PTPRA: variants seen among roughly 807,000 people sequenced by gnomAD.
PTPRA encodes the protein receptor-type tyrosine-protein phosphatase alpha.
A neutral mutation model predicts 104.8 loss-of-function variants in PTPRA; 25 were observed. That is an observed-to-expected ratio of 0.24 (90% CI 0.17 to 0.33). The LOEUF is 0.33. PTPRA is among the 10% of genes least tolerant of loss of function. The pLI is 1.00. For synonymous variants in PTPRA, 323 were observed against 368.9 expected, an observed-to-expected ratio of 0.88 and a Z score of 1.43; for missense variants, 765 against 1,015.3, an observed-to-expected ratio of 0.75 and a Z score of 3.35.
At chr20:2,940,940 A>T (rs2060889405) in intron 2 of PTPRA, among the ~76,000 whole-genome samples, 1 of 152,006 alleles carries the variant, frequency 6.6e-6, no homozygotes, top group Admixed American at 6.6e-5. Flanking sequence ...TTCTTGGGTG[A>T]AAGTTTCTTT....
rs553441547 is a variant in PTPRA at position 3,025,082 on chromosome 20, G to A, written c.1614+461G>A. On this transcript the variant is annotated intron_variant, in intron 17 of 23. Transcript: ENST00000399903. Reference sequence around the variant, plus strand: ...GGCCAGATTTGGCCTCTGGACCTTAGATCACTGATAGCTCCTATATGCCAC... The same window carrying A: ...GGCCAGATTTGGCCTCTGGACCTTAAATCACTGATAGCTCCTATATGCCAC... Among the ~76,000 whole-genome samples, 3 of 152,296 alleles carry A rather than the reference G, an allele frequency of 2.0e-5. No homozygotes were observed. The South Asian group carries it at 6.2e-4, about 32-fold the overall frequency.
chr20:2,865,185 G>C, the PTPRA span: 3 of 1,614,158 alleles, frequency 1.9e-6, no homozygotes, highest in African/African-American at 4.0e-5. The surrounding 1 kb of genome is among the most constrained non-coding windows in gnomAD (Gnocchi z 5.2). Flanking sequence ...CGGCTGCAGC[G>C]GCGCCTAGAA....
chr20:2,943,182 A>C (rs1272604179), intron 2 of PTPRA, among the ~76,000 whole-genome samples: 2 of 149,694 alleles, frequency 1.3e-5, no homozygotes, highest in Non-Finnish European at 2.9e-5. Context: ...GGTTTCAGGC[A>C]TCTACTGGGA....
chr20:2,987,945 G>A (rs369205226), intron 7 of PTPRA, 87 bp from the exon 8 acceptor site: 1 of 1,242,582 alleles, frequency 8.0e-7, no homozygotes, highest in Non-Finnish European at 1.2e-6. Context: ...ATTTAGAAAG[G>A]CTGAATTGAT....
In PTPRA at chr20:3,037,534, C is replaced by A. The variant is rs1333635039; in HGVS notation, c.2334+245C>A. On this transcript the variant is annotated intron_variant, in intron 23 of 23. Transcript: ENST00000399903. This position sits in a 1 kb window ranked among gnomAD's most constrained non-coding sequence, Gnocchi z 4.3. ...AGGGGTGTCTGGGTGCCCCACAGGG[C>A]TCATCTGTACTTCTCTGTGGGTCTT... Among the ~76,000 whole-genome samples, 3 of 152,196 alleles carry A rather than the reference C, an allele frequency of 2.0e-5. No individual in the cohort carries two copies. Among genetic ancestry groups the A allele is most frequent in the Admixed American group, 2.0e-4 (3 of 15,278 alleles).
At chr20:3,030,213 T>G (rs2065365430) in intron 20 of PTPRA, among the ~76,000 whole-genome samples, 1 of 152,054 alleles carries the variant, frequency 6.6e-6, no homozygotes, top group Non-Finnish European at 1.5e-5. Context: ...AAGGACCTAG[T>G]GAGAGTAAAG....
chr20:2,969,234 A>G (rs1324757727), intron 5 of PTPRA, among the ~76,000 whole-genome samples: 1 of 134,138 alleles, frequency 7.5e-6, no homozygotes, highest in Non-Finnish European at 1.5e-5. Context: ...ATCAGTGACA[A>G]GTAAAAAGGT....
intron 20 of PTPRA, among the ~76,000 whole-genome samples, chr20:3,029,436 C>T (rs73086697): frequency 0.012 from 1,807 of 151,612 alleles, 20 homozygotes; most frequent in Middle Eastern, 0.055. Context: ...CCACCTTGCC[C>T]GGCATTTTTT....
chr20:2,977,467 G>A (rs1371175376), intron 6 of PTPRA, among the ~76,000 whole-genome samples: 1 of 151,842 alleles, frequency 6.6e-6, no homozygotes, highest in Non-Finnish European at 1.5e-5. Context: ...GCAATATGGG[G>A]AAACCTTGTC....
At chr20:3,029,538 A>ATTTTTTTTTTTT (rs1390310900) in intron 20 of PTPRA, among the ~76,000 whole-genome samples, 6 of 35,634 alleles carry the variant, frequency 1.7e-4, no homozygotes, top group Admixed American at 4.9e-4. Context: ...GGTCTTCATC[A>ATTTTTTTTTTTT]TCTTTTTTTT....
At position 3,037,791 on chromosome 20, in the gene PTPRA, T is replaced by G. The variant is rs1385256111; in HGVS notation, c.2335-268T>G. On this transcript the variant is annotated intron_variant, in intron 23 of 23. Transcript: ENST00000399903. The surrounding 1 kb of genome is among the most constrained non-coding windows in gnomAD (Gnocchi z 4.3). ...AAGCGTGGGCCATGCTCAGCTGCAC[T>G]GTCTCCCAGCCCAGCACATGCCTGT... Among the ~76,000 whole-genome samples, 1 of 152,148 alleles carries G rather than the reference T, an allele frequency of 6.6e-6. No individual in the cohort carries two copies. The highest frequency in any genetic ancestry group is 1.5e-5 in the Non-Finnish European group (1 of 68,040).
intron 1 of PTPRA, among the ~76,000 whole-genome samples, chr20:2,916,738 A>G (rs573155258): frequency 1.3e-5 from 2 of 152,210 alleles, no homozygotes; most frequent in East Asian, 3.9e-4. Flanking sequence ...AGTTGACTAT[A>G]GATTTGTGGA....
intron 11 of PTPRA, among the ~76,000 whole-genome samples, chr20:3,010,496 C>CA (rs2064113027): frequency 6.6e-6 from 1 of 152,024 alleles, no homozygotes; most frequent in African/African-American, 2.4e-5. Context: ...GGCGTGGTGG[C>CA]GGGCACCTGT....
chr20:2,933,623 G>T (rs1021517992), intron 2 of PTPRA, among the ~76,000 whole-genome samples: 1 of 151,958 alleles, frequency 6.6e-6, no homozygotes, highest in Non-Finnish European at 1.5e-5. Context: ...ACCACGCCCA[G>T]CTAATTTTTA....
At chr20:2,881,642 A>G (rs2090057112) in intron 1 of PTPRA, among the ~76,000 whole-genome samples, 2 of 152,094 alleles carry the variant, frequency 1.3e-5, no homozygotes, top group Admixed American at 6.5e-5. Context: ...TGGCCTTCCA[A>G]AGCTCTGGGA....
At chr20:2,876,642 C>T (rs2089737024) in intron 1 of PTPRA, among the ~76,000 whole-genome samples, 1 of 152,162 alleles carries the variant, frequency 6.6e-6, no homozygotes, top group Non-Finnish European at 1.5e-5. Flanking sequence ...TGTCCTTGTA[C>T]ATACTGTGTT....
intron 1 of PTPRA, among the ~76,000 whole-genome samples, chr20:2,880,557 G>A (rs2089989359): frequency 6.6e-6 from 1 of 152,254 alleles, no homozygotes; most frequent in Non-Finnish European, 1.5e-5. Context: ...ACAAGCACAA[G>A]CAAACAAGTT....
chr20:2,936,113 C>A (rs1039915417), intron 2 of PTPRA, among the ~76,000 whole-genome samples: 1 of 151,992 alleles, frequency 6.6e-6, no homozygotes, highest in African/African-American at 2.4e-5. Flanking sequence ...CCTGTCTTGG[C>A]CTCCCAAAGT....
chr20:3,023,999 G>A (rs912878988), intron 16 of PTPRA, among the ~76,000 whole-genome samples: 8 of 152,168 alleles, frequency 5.3e-5, no homozygotes, highest in African/African-American at 1.7e-4. Context: ...ACAGGTTACT[G>A]GACTTCAAAG....
Sources: allele counts gnomAD v4.1 joint callset (sites outside exome capture counted in the v4.1 genomes callset), GRCh38; gene constraint gnomAD v4.1.1; non-coding constraint Gnocchi (gnomAD v3.1); transcripts MANE v1.5; gene names NCBI Gene and HGNC (gene_info 2026-07-23, HGNC 2026-07-21).